The following CELSR1 variants were observed in gnomAD, a reference collection of about 807,000 sequenced individuals.
CELSR1 encodes the protein adhesion G protein-coupled receptor C1.
In CELSR1, 110 loss-of-function variants were observed where a neutral mutation model predicts 249.1. The observed-to-expected ratio is 0.44, with a 90% CI of 0.38 to 0.52. The LOEUF (loss-of-function observed/expected upper bound fraction) is 0.52, where lower values mean the gene tolerates loss of function less well. Ranked by LOEUF, CELSR1 falls within the 20% of genes least tolerant of loss-of-function variation. CELSR1 has a pLI of 0.00. For synonymous variants in CELSR1, 2,113 were observed against 1,900.0 expected, an observed-to-expected ratio of 1.11 and a Z score of -2.92; for missense variants, 4,109 against 4,296.4, an observed-to-expected ratio of 0.96 and a Z score of 1.22.
rs1201138699 is a variant in CELSR1 at position 46,428,884 on chromosome 22, C to T, written c.4611+4509G>A. Among the ~76,000 whole-genome samples, 3 of 152,166 alleles carry T rather than the reference C, an allele frequency of 2.0e-5. No homozygotes were observed. The highest frequency in any genetic ancestry group is 4.4e-5 in the Non-Finnish European group (3 of 68,022). ...GCATGTCCCTGCCTCCCCAGCTGGC[C>T]AGGAGACTGTGCTCCAGGCTCTGGG... On this transcript the variant is annotated intron_variant, in intron 5 of 34. Coordinates refer to ENST00000674500, the MANE Select transcript of CELSR1 (RefSeq NM_001378328.1). The surrounding 1 kb of genome is among the most constrained non-coding windows in gnomAD (Gnocchi z 5.7).
At chr22:46,477,175 C>G (rs2080217399) in intron 1 of CELSR1, among the ~76,000 whole-genome samples, 1 of 152,196 alleles carries the variant, frequency 6.6e-6, no homozygotes, top group African/African-American at 2.4e-5. Context: ...ACTCCCCCAC[C>G]TTAAAGATGC....
intron 2 of CELSR1, among the ~76,000 whole-genome samples, chr22:46,450,785 G>T (rs1407401130): frequency 6.6e-6 from 1 of 152,154 alleles, no homozygotes; most frequent in African/African-American, 2.4e-5. Context: ...CAGGACAGAG[G>T]TTTCCTGAGC....
chr22:46,389,552 G>A (rs1287063374), intron 17 of CELSR1, 53 bp from the exon 18 acceptor site: 14 of 1,557,898 alleles, frequency 9.0e-6, no homozygotes, highest in Non-Finnish European at 1.2e-5. Flanking sequence ...GCCGCTTTCA[G>A]TCCCTGCTGT....
Position 46,413,840 on chromosome 22 carries a change from G to A in CELSR1, c.4612-2081C>T, listed in dbSNP as rs1423746104. On this transcript the variant is annotated intron_variant, in intron 5 of 34. Transcript: ENST00000674500. The surrounding 1 kb of genome is among the most constrained non-coding windows in gnomAD (Gnocchi z 4.7). Reference sequence around the variant, plus strand: ...CTTAAATGTGAGATGCGATCCCAGGGAAAGGAGAACCTCCCCTCACTTTGT... The same window carrying A: ...CTTAAATGTGAGATGCGATCCCAGGAAAAGGAGAACCTCCCCTCACTTTGT... Among the ~76,000 whole-genome samples, 2 of 152,210 alleles carry A rather than the reference G, an allele frequency of 1.3e-5. No homozygotes were observed. Among genetic ancestry groups the A allele is most frequent in the African/African-American group, 4.8e-5 (2 of 41,458 alleles).
In CELSR1 at chr22:46,380,275, G is replaced by C. The variant is rs1015499165; in HGVS notation, c.7256+513C>G. Among the ~76,000 whole-genome samples, 1 of 152,206 alleles carries C rather than the reference G, an allele frequency of 6.6e-6. No homozygotes were observed. Among genetic ancestry groups the C allele is most frequent in the Admixed American group, 6.5e-5 (1 of 15,284 alleles). On this transcript the variant is annotated intron_variant, in intron 22 of 34. Coordinates refer to ENST00000674500, the MANE Select transcript of CELSR1 (RefSeq NM_001378328.1). The surrounding 1 kb of genome is among the most constrained non-coding windows in gnomAD (Gnocchi z 5.1). ...GACTCTCTGACGCTGCTTCTGAAAC[G>C]GGCCAGATAAACTGTGCTGCGGCCA...
intron 1 of CELSR1, among the ~76,000 whole-genome samples, chr22:46,498,279 G>GAA (rs2080433432): frequency 5.8e-5 from 1 of 17,360 alleles, no homozygotes; most frequent in African/African-American, 2.8e-4. Context: ...AAAAAAAAGC[G>GAA]AAACTCTGTC....
chr22:46,408,870 CA>C lies in CELSR1; in HGVS notation c.5226+125del, dbSNP rs2079297043. 8 of 728,212 alleles carry C rather than the reference CA, an allele frequency of 1.1e-5. No individual in the cohort carries two copies. In the East Asian group the frequency reaches 1.7e-4, roughly 15 times the overall value. 45.1% of individuals were successfully genotyped at this position (728,212 alleles called of 1,614,324 possible). A position where few individuals can be genotyped will look rare whatever the true frequency, so the allele number is the denominator to read the frequency against. ...CCCCTTCCCCCTCTTCGGAGAACCCCAGGGGCGGGCGCCGGAGGAAGGGCGA... is the reference window on the plus strand; with the variant it reads ...CCCCTTCCCCCTCTTCGGAGAACCCCGGGGCGGGCGCCGGAGGAAGGGCGA... On this transcript the variant is annotated intron_variant, in intron 9 of 34. Transcript: ENST00000674500. The surrounding 1 kb of genome is among the most constrained non-coding windows in gnomAD (Gnocchi z 4.6).
intron 25 of CELSR1, among the ~76,000 whole-genome samples, chr22:46,371,320 T>TA (rs1243917954): frequency 2.6e-5 from 4 of 152,054 alleles, no homozygotes; most frequent in Non-Finnish European, 5.9e-5. Flanking sequence ...AGGTGGCTGC[T>TA]GGGTGCTGCC....
intron 1 of CELSR1, chr22:46,481,254 AGACT>A: frequency 2.5e-6 from 1 of 396,212 alleles, no homozygotes; most frequent in Non-Finnish European, 4.7e-6. Context: ...AAAAAAAAAA[AGACT>A]AAAATTCCCA....
At position 46,374,939 on chromosome 22, in the gene CELSR1, TG is replaced by T. The variant is rs1382418734; in HGVS notation, c.7585-1883del. ...GCACCTGGGAGGCGGCGGGGAAGGT[TG>T]GCCCTGGCTGGTCTGACACACGCCT... On this transcript the variant is annotated intron_variant, in intron 24 of 34. Transcript: ENST00000674500. The surrounding 1 kb of genome is among the most constrained non-coding windows in gnomAD (Gnocchi z 4.3). Among the ~76,000 whole-genome samples, 1 of 152,112 alleles carries T rather than the reference TG, an allele frequency of 6.6e-6. No individual in the cohort carries two copies. Among genetic ancestry groups the T allele is most frequent in the East Asian group, 1.9e-4 (1 of 5,176 alleles).
At chr22:46,444,426 C>T (rs952911064) in intron 2 of CELSR1, among the ~76,000 whole-genome samples, 1 of 152,202 alleles carries the variant, frequency 6.6e-6, no homozygotes, top group African/African-American at 2.4e-5. Flanking sequence ...GAGGGGGGCA[C>T]CTCTGCAGGG....
intron 5 of CELSR1, among the ~76,000 whole-genome samples, chr22:46,424,889 T>C (rs2079519870): frequency 6.6e-6 from 1 of 152,208 alleles, no homozygotes; most frequent in South Asian, 2.1e-4. Flanking sequence ...GAGAATCACT[T>C]GAACCCAGGA....
In CELSR1 at chr22:46,411,816, A is replaced by G; in HGVS notation, c.4612-57T>C. 6.2e-7 allele frequency: 1 copy of G among 1,605,206 alleles called. No homozygotes were observed. Among genetic ancestry groups the G allele is most frequent in the South Asian group, 1.1e-5 (1 of 90,824 alleles). On this transcript the variant is annotated intron_variant, in intron 5 of 34. Transcript: ENST00000674500. The surrounding 1 kb of genome is among the most constrained non-coding windows in gnomAD (Gnocchi z 4.2). Reference sequence around the variant, plus strand: ...CGTTTTCTCCACCAGTGCCCTCAGCAGGCGCACCTGTCACTCATAGAGCGA... The same window carrying G: ...CGTTTTCTCCACCAGTGCCCTCAGCGGGCGCACCTGTCACTCATAGAGCGA...
chr22:46,397,733 CAG>C lies in CELSR1; in HGVS notation c.5640_5641del (p.Cys1881SerfsTer4). The stretch of plus-strand genomic sequence containing the variant: ...GTCGTGGCAGCGGCTATTGGGGGGA[CAG>C]GGGCTCGAGGTACAGGGGTCGTCCA... On this transcript the variant is annotated frameshift_variant, in exon 12 of 35. Transcript: ENST00000674500. LOFTEE classifies it high-confidence loss of function. 6.3e-7 allele frequency: 1 copy of C among 1,590,546 alleles called. No individual in the cohort carries two copies.
At chr22:46,420,380 ATG>A (rs1164233452) in intron 5 of CELSR1, among the ~76,000 whole-genome samples, 1 of 151,350 alleles carries the variant, frequency 6.6e-6, no homozygotes, top group African/African-American at 2.4e-5. Flanking sequence ...ACCCACTCAA[ATG>A]TGCACTCACC....
chr22:46,455,744 C>A (rs999956769), intron 2 of CELSR1, among the ~76,000 whole-genome samples: 73 of 152,206 alleles, frequency 4.8e-4, no homozygotes, highest in African/African-American at 1.2e-4. Flanking sequence ...TGTGCCTGCA[C>A]ACGCCGCACA....
rs923657792 is a variant in CELSR1, at chr22:46,411,982, G to A, written c.4612-223C>T. On this transcript the variant is annotated intron_variant, in intron 5 of 34. Transcript: ENST00000674500. This position sits in a 1 kb window ranked among gnomAD's most constrained non-coding sequence, Gnocchi z 4.2. ...AGAATCTCAGAACGTGGCCTGGTCT[G>A]GACAAAGAGCTGGTGCTGATGGAAT... Among the ~76,000 whole-genome samples the A allele has an allele frequency of 9.9e-5, 15 of 152,228 alleles. No individual in the cohort carries two copies. Among genetic ancestry groups the A allele is most frequent in the African/African-American group, 3.6e-4 (15 of 41,470 alleles).
In CELSR1 at chr22:46,406,006, C is replaced by CTG. The variant is rs1160475119; in HGVS notation, c.5226+2988_5226+2989dup. On this transcript the variant is annotated intron_variant, in intron 9 of 34. Coordinates refer to ENST00000674500, the MANE Select transcript of CELSR1 (RefSeq NM_001378328.1). The surrounding 1 kb of genome is among the most constrained non-coding windows in gnomAD (Gnocchi z 5.4). ...CCCAGACTTCCACAGGGAGGGCTGG[C>CTG]TGTAGTCCCTGGCAAAATTCCTAAT... Among the ~76,000 whole-genome samples the CTG allele has an allele frequency of 6.6e-6, 1 of 152,152 alleles. No homozygotes were observed. The highest frequency in any genetic ancestry group is 1.5e-5 in the Non-Finnish European group (1 of 68,020).
chr22:46,531,241 T>C (rs1314166458), intron 1 of CELSR1, among the ~76,000 whole-genome samples: 1 of 151,962 alleles, frequency 6.6e-6, no homozygotes, highest in Admixed American at 6.6e-5. Context: ...AGTCTCACTC[T>C]GTCACCCAGG....
Sources: allele counts gnomAD v4.1 joint callset (sites outside exome capture counted in the v4.1 genomes callset), GRCh38; gene constraint gnomAD v4.1.1; non-coding constraint Gnocchi (gnomAD v3.1); transcripts MANE v1.5; gene names NCBI Gene and HGNC (gene_info 2026-07-23, HGNC 2026-07-21).